The following PECR variants were observed in gnomAD, a reference collection of about 807,000 sequenced individuals.
PECR encodes 2,4-dienoyl-CoA reductase-related protein.
Under a neutral mutation model 35.3 loss-of-function variants are expected in PECR, and 30 were observed. The observed-to-expected ratio is 0.85, with a 90% confidence interval of 0.64 to 1.15. The LOEUF is 1.15. Ranked by LOEUF, PECR falls within the 50% of genes most tolerant of loss-of-function variation. The pLI is 0.00. For synonymous variants in PECR, 148 were observed against 138.9 expected, an observed-to-expected ratio of 1.07 and a Z score of -0.46; for missense variants, 392 against 370.8, an observed-to-expected ratio of 1.06 and a Z score of -0.47.
chr2:216,030,952 TCTCTCACACACACA>T (rs1376023394), intron 7 of PECR, among the ~76,000 whole-genome samples: 4 of 106,990 alleles, frequency 3.7e-5, no homozygotes, highest in African/African-American at 1.6e-4. Context: ...TCTCTCTCTC[TCTCTCACACACACA>T]CACACACACA....
rs980648234 is a variant in PECR at position 216,069,004 on chromosome 2, G to A, written c.125-2486C>T. 4.6e-5 allele frequency among the ~76,000 whole-genome samples: 7 copies of A among 152,160 alleles called. No homozygotes were observed. In the East Asian group the frequency reaches 5.8e-4, roughly 13 times the overall value. On this transcript the variant is annotated intron_variant, in intron 1 of 7. Coordinates refer to ENST00000265322, the MANE Select transcript of PECR (RefSeq NM_018441.6). ...AAAATGATTCCCTCCTTCTCCTTGA[G>A]AATAATAGCACAATGGCTAAGAAGG...
chr2:216,053,839 A>C (rs918498755), intron 4 of PECR, among the ~76,000 whole-genome samples: 2 of 152,216 alleles, frequency 1.3e-5, no homozygotes, highest in Non-Finnish European at 2.9e-5. Flanking sequence ...AAGGAATCAG[A>C]ATGTTGAAAA....
At chr2:216,073,667 A>T (rs1427857526) in intron 1 of PECR, among the ~76,000 whole-genome samples, 1 of 151,936 alleles carries the variant, frequency 6.6e-6, no homozygotes, top group East Asian at 1.9e-4. Flanking sequence ...TAAAAATACC[A>T]TATTTTTATT....
chr2:216,031,693 G>A (rs868457706), intron 7 of PECR, among the ~76,000 whole-genome samples: 413 of 128,388 alleles, frequency 3.2e-3, no homozygotes, highest in Non-Finnish European at 4.2e-3. Context: ...GAAAGAAAGA[G>A]AAAGAAAGAA....
At chr2:216,077,279 G>A (rs932700261) in intron 1 of PECR, among the ~76,000 whole-genome samples, 84 of 152,174 alleles carry the variant, frequency 5.5e-4, no homozygotes, top group Middle Eastern at 3.4e-3. Flanking sequence ...GGCCAAGGCA[G>A]GCGGAGCACA....
chr2:216,061,129 CAAAAAAAAA>C (rs151215904), intron 3 of PECR, among the ~76,000 whole-genome samples: 11 of 52,406 alleles, frequency 2.1e-4, no homozygotes, highest in South Asian at 7.2e-4. Flanking sequence ...CCGGCTCTAC[CAAAAAAAAA>C]AAAAAAAAAA....
chr2:216,039,086 G>T lies in PECR; in HGVS notation c.*189C>A. The stretch of plus-strand genomic sequence containing the variant: ...GTTACTTATACATTTTTAAATCATA[G>T]GTTAAAAGACTCTGATTGGGACATA... On this transcript the variant is annotated 3_prime_UTR_variant, in exon 8 of 8. Coordinates refer to ENST00000265322, the MANE Select transcript of PECR (RefSeq NM_018441.6). The T allele has an allele frequency of 2.0e-6, 1 of 504,480 alleles. No individual in the cohort carries two copies. The highest frequency in any genetic ancestry group is 2.5e-5 in the South Asian group (1 of 40,584). The allele number at this position is 504,480 out of a possible 1,614,324, so 31.3% of individuals were successfully genotyped here.
chr2:216,058,817 A>C (rs1471873758), intron 4 of PECR, 78 bp downstream of exon 4: 1 of 794,850 alleles, frequency 1.3e-6, no homozygotes, highest in Non-Finnish European at 2.2e-6. Context: ...TGATTTAAGA[A>C]ATGTTCCCTA....
intron 1 of PECR, among the ~76,000 whole-genome samples, chr2:216,069,498 A>G (rs1201075922): frequency 6.6e-6 from 1 of 152,214 alleles, no homozygotes; most frequent in Non-Finnish European, 1.5e-5. Context: ...TAAAAGGGGA[A>G]TGCGTGACAC....
Position 216,043,037 on chromosome 2 carries a change from G to GTGTA in PECR, c.826+863_826+866dup, listed in dbSNP as rs1352760043. Among the ~76,000 whole-genome samples, 7 of 32,158 alleles carry GTGTA rather than the reference G, an allele frequency of 2.2e-4. 1 individual carries two copies. The highest frequency in any genetic ancestry group is 6.6e-4 in the African/African-American group (7 of 10,650). 21.1% of individuals were successfully genotyped at this position (32,158 alleles called of 152,430 possible). On this transcript the variant is annotated intron_variant, in intron 7 of 7. Transcript: ENST00000265322. Reference sequence around the variant, plus strand: ...TATATACACATACGTATATATGTATGTGTATATATATATACACATACGTAT... The same window carrying GTGTA: ...TATATACACATACGTATATATGTATGTGTATGTATATATATATACACATACGTAT...
At chr2:216,040,188 C>T (rs1191971472) in intron 7 of PECR, among the ~76,000 whole-genome samples, 1 of 152,158 alleles carries the variant, frequency 6.6e-6, no homozygotes, top group Non-Finnish European at 1.5e-5. Context: ...CAGTTATGTG[C>T]CAGCGAATTC....
At chr2:216,031,293 G>C (rs1329262238) in intron 7 of PECR, among the ~76,000 whole-genome samples, 1 of 151,912 alleles carries the variant, frequency 6.6e-6, no homozygotes, top group East Asian at 1.9e-4. Flanking sequence ...TGTAAACCCA[G>C]CTACTTGGGA....
Position 216,081,619 on chromosome 2 carries a change from C to A in PECR, c.123G>T (p.Leu41=). The A allele has an allele frequency of 6.2e-7, 1 of 1,613,796 alleles. No individual in the cohort carries two copies. The highest frequency in any genetic ancestry group is 8.5e-7 in the Non-Finnish European group (1 of 1,179,984). ...TGCACCAGCGGCCCGCTCACGTACC[C>A]AGCTCCAGGAGCTCCTTCACGATGG... ...GKAIVKELLE[L]GSNVVIASRK... is the part of the protein sequence containing the mutation. Residue 41 remains leucine, a splice_region_variant and synonymous_variant, in exon 1 of 8, where the codon CTG becomes CTT. Coordinates refer to ENST00000265322, the MANE Select transcript of PECR (RefSeq NM_018441.6).
At chr2:216,079,619 G>A (rs535674542) in intron 1 of PECR, among the ~76,000 whole-genome samples, 13 of 150,536 alleles carry the variant, frequency 8.6e-5, no homozygotes, top group South Asian at 6.3e-4. Flanking sequence ...TGCCCGCCTC[G>A]GCCTCCCAAA....
chr2:216,051,281 C>CAAAAAAAA (rs147574036), intron 5 of PECR, among the ~76,000 whole-genome samples, 168 bp downstream of exon 5: 5 of 93,170 alleles, frequency 5.4e-5, no homozygotes, highest in Non-Finnish European at 8.1e-5. Context: ...GACTCCATCT[C>CAAAAAAAA]AAAAAAAAAA....
intron 3 of PECR, among the ~76,000 whole-genome samples, chr2:216,061,424 A>G (rs1334987143): frequency 6.6e-6 from 1 of 151,402 alleles, no homozygotes; most frequent in East Asian, 1.9e-4. Flanking sequence ...CAGATTACTT[A>G]TAGTTTACAA....
intron 6 of PECR, 123 bp from the exon 7 acceptor site, chr2:216,044,138 C>G: frequency 1.5e-6 from 1 of 681,430 alleles, no homozygotes; most frequent in Non-Finnish European, 2.8e-6. Context: ...ACAGTGTGTG[C>G]ATGTGCACCA....
chr2:216,030,416 C>T (rs978174088), intron 7 of PECR, among the ~76,000 whole-genome samples: 1 of 152,138 alleles, frequency 6.6e-6, no homozygotes, highest in Non-Finnish European at 1.5e-5. Context: ...CTGTAAAATG[C>T]TGGTAATAAT....
chr2:216,040,613 A>C (rs1468544065), intron 7 of PECR, among the ~76,000 whole-genome samples: 1 of 152,194 alleles, frequency 6.6e-6, no homozygotes, highest in African/African-American at 2.4e-5. Context: ...TCATGCCTGT[A>C]ATCCCAGCAC....
Sources: gnomAD v4.1 joint callset for allele counts (sites outside exome capture counted in the v4.1 genomes callset) on GRCh38, gnomAD v4.1.1 for gene constraint, MANE v1.5 for transcripts, NCBI Gene and HGNC (gene_info 2026-07-23, HGNC 2026-07-21) for gene names.